Variants in USH2A observed in about 807,000 individuals in gnomAD.
USH2A encodes the protein Usher syndrome 2A (autosomal recessive, mild).
In USH2A, 443 loss-of-function variants were observed where a neutral mutation model predicts 538.9. The ratio of observed to expected loss-of-function variants is 0.82; its 90% CI spans 0.76 to 0.89. The LOEUF is 0.89. Among genes scored for constraint, USH2A ranks in the 40% least tolerant of loss-of-function variants. USH2A has a pLI of 0.00. For missense variants in USH2A, 6,633 were observed against 6,324.8 expected (o/e 1.05, Z -1.65); for synonymous variants, 2,413 against 2,273.5 (o/e 1.06, Z -1.75).
At chr1:216,024,747 G>A (rs1378925088) in intron 32 of USH2A, among the ~76,000 whole-genome samples, 2 of 151,910 alleles carry the variant, frequency 1.3e-5, no homozygotes, top group Non-Finnish European at 2.9e-5. Flanking sequence ...ATAGCAGATA[G>A]CGAGATGTGT....
chr1:215,814,039 T>C, intron 48 of USH2A, 135 bp from the exon 49 acceptor site: 2 of 1,031,462 alleles, frequency 1.9e-6, no homozygotes, highest in South Asian at 2.9e-5. Flanking sequence ...TTCGTTGGTT[T>C]AAAAATGTAT....
At chr1:216,010,509 T>C (rs2102491775) in intron 32 of USH2A, among the ~76,000 whole-genome samples, 1 of 151,834 alleles carries the variant, frequency 6.6e-6, no homozygotes, top group South Asian at 2.1e-4. Context: ...CCCTAGACCA[T>C]CACGGATGCC....
chr1:215,949,230 C>G (rs906374088), intron 37 of USH2A, among the ~76,000 whole-genome samples: 1 of 151,410 alleles, frequency 6.6e-6, no homozygotes, highest in Non-Finnish European at 1.5e-5. Flanking sequence ...CTGGAATAAC[C>G]CTAACAAAAA....
chr1:215,885,312 A>C (rs1665021992), intron 41 of USH2A, among the ~76,000 whole-genome samples: 1 of 151,966 alleles, frequency 6.6e-6, no homozygotes, highest in South Asian at 2.1e-4. Context: ...CCATCCTTAC[A>C]TTTTTAAAAT....
At chr1:216,249,727 C>G (rs557760794) in intron 12 of USH2A, among the ~76,000 whole-genome samples, 1 of 152,082 alleles carries the variant, frequency 6.6e-6, no homozygotes, top group East Asian at 1.9e-4. Flanking sequence ...TAAATTGAAA[C>G]GCTTGTCTAG....
At chr1:216,191,178 A>G (rs1339798129) in intron 19 of USH2A, among the ~76,000 whole-genome samples, 2 of 152,066 alleles carry the variant, frequency 1.3e-5, no homozygotes, top group African/African-American at 2.4e-5. Context: ...TCAGAAAATA[A>G]AAGTCATTAA....
At chr1:215,941,274 T>C (rs1470294114) in intron 37 of USH2A, among the ~76,000 whole-genome samples, 1 of 152,046 alleles carries the variant, frequency 6.6e-6, no homozygotes, top group African/African-American at 2.4e-5. Flanking sequence ...ATATATAAAG[T>C]TCACTACGAT....
intron 37 of USH2A, among the ~76,000 whole-genome samples, chr1:215,944,828 G>A (rs1172182902): frequency 1.3e-5 from 2 of 151,998 alleles, no homozygotes; most frequent in Admixed American, 6.6e-5. Context: ...ATCAGTGGTA[G>A]GTAATTTGTC....
At position 216,377,280 on chromosome 1, in the gene USH2A, A is replaced by G. The variant is rs2038839538; in HGVS notation, c.652-12195T>C. ...AGGTAGTCCTTTCTGATCAAAAGCT[A>G]GAGAGATAGTAATTGTCTAAGCAGT... On this transcript the variant is annotated intron_variant, in intron 3 of 71. Transcript: ENST00000307340. Among the ~76,000 whole-genome samples, 3 of 152,196 alleles carry G rather than the reference A, an allele frequency of 2.0e-5. No individual in the cohort carries two copies. The South Asian group carries it at 6.2e-4, about 32-fold the overall frequency.
chr1:215,881,011 CA>C (rs756247823), intron 41 of USH2A, among the ~76,000 whole-genome samples: 1 of 152,298 alleles, frequency 6.6e-6, no homozygotes, highest in Non-Finnish European at 1.5e-5. Flanking sequence ...GAGGCTGAGG[CA>C]GGAGAGTTGC....
rs76514518 is a variant in USH2A at position 216,249,877 on chromosome 1, T to A, written c.2167+1026A>T. Among the ~76,000 whole-genome samples the A allele has an allele frequency of 3.1e-3, 461 of 148,578 alleles. 3 individuals carry two copies. The highest frequency in any genetic ancestry group is 7.9e-3 in the African/African-American group (316 of 40,182). On this transcript the variant is annotated intron_variant, in intron 12 of 71. Transcript: ENST00000307340. The stretch of plus-strand genomic sequence containing the variant: ...ACATGTAAGCATTCGTGTGTGTGTG[T>A]GAGAGAGAGAGAGAGAGAGGAGTGT...
At chr1:216,276,322 A>C (rs2036669889) in intron 11 of USH2A, among the ~76,000 whole-genome samples, 1 of 152,146 alleles carries the variant, frequency 6.6e-6, no homozygotes, top group Non-Finnish European at 1.5e-5. Flanking sequence ...GCAATATGCC[A>C]ATCTGTCTTG....
At chr1:216,185,107 G>T (rs866021875) in intron 20 of USH2A, among the ~76,000 whole-genome samples, 14 of 151,874 alleles carry the variant, frequency 9.2e-5, no homozygotes, top group African/African-American at 3.4e-4. Flanking sequence ...GATTTTAAGA[G>T]GGCCCAGTTC....
intron 32 of USH2A, among the ~76,000 whole-genome samples, chr1:216,013,174 T>C (rs1668618605): frequency 2.0e-5 from 3 of 152,084 alleles, no homozygotes; most frequent in African/African-American, 7.2e-5. Flanking sequence ...CTTCTCTTAT[T>C]CCATTTAGTT....
chr1:215,925,779 C>G (rs768625541), intron 38 of USH2A, among the ~76,000 whole-genome samples: 1 of 152,096 alleles, frequency 6.6e-6, no homozygotes, highest in Non-Finnish European at 1.5e-5. Context: ...ATTAATGTTT[C>G]TATTTATATA....
At chr1:215,911,450 T>C (rs778191351) in intron 38 of USH2A, among the ~76,000 whole-genome samples, 4 of 143,950 alleles carry the variant, frequency 2.8e-5, no homozygotes, top group Non-Finnish European at 4.4e-5. Context: ...AATGAGAACA[T>C]GCCACATTTG....
intron 18 of USH2A, among the ~76,000 whole-genome samples, 200 bp downstream of exon 18, chr1:216,198,115 C>G (rs1454864751): frequency 6.6e-6 from 1 of 152,034 alleles, no homozygotes; most frequent in African/African-American, 2.4e-5. Context: ...TTTACTTTTG[C>G]CCCCTAGAAC....
intron 41 of USH2A, among the ~76,000 whole-genome samples, chr1:215,884,301 T>C (rs1664993198): frequency 6.6e-6 from 1 of 152,234 alleles, no homozygotes; most frequent in African/African-American, 2.4e-5. Context: ...CATTCTGATT[T>C]GAATGATGTT....
At position 216,289,338 on chromosome 1, in the gene USH2A, C is replaced by CCTGTG; in HGVS notation, c.1912_1913insCACAG (p.Cys638SerfsTer120). The CCTGTG allele has an allele frequency of 6.2e-7, 1 of 1,613,974 alleles. No individual in the cohort carries two copies. The highest frequency in any genetic ancestry group is 2.2e-5 in the East Asian group (1 of 44,848). On this transcript the variant is annotated frameshift_variant, in exon 11 of 72. Coordinates refer to ENST00000307340, the MANE Select transcript of USH2A (RefSeq NM_206933.4). LOFTEE classifies it high-confidence loss of function. ...AACTGTATCACAGTCACAGGGTTTG[C>CCTGTG]AAACATCTATGGCCGAAGGATCTGC...
Sources: allele counts gnomAD v4.1 joint callset (sites outside exome capture counted in the v4.1 genomes callset), GRCh38; gene constraint gnomAD v4.1.1; transcripts MANE v1.5; gene names NCBI Gene and HGNC (gene_info 2026-07-23, HGNC 2026-07-21).